ADAMTS19: variants seen among roughly 807,000 people sequenced by gnomAD.
The protein encoded by ADAMTS19 is A disintegrin and metalloproteinase with thrombospondin motifs 19.
In ADAMTS19, 93 loss-of-function variants were observed where a neutral mutation model predicts 153.3. The ratio of observed to expected loss-of-function variants is 0.61; its 90% CI spans 0.51 to 0.72. ADAMTS19 has a LOEUF of 0.72. Among genes scored for constraint, ADAMTS19 ranks in the 30% least tolerant of loss-of-function variants. The pLI is 0.00. For synonymous variants in ADAMTS19, 600 were observed against 556.6 expected (o/e 1.08, Z -1.10); for missense variants, 1,482 against 1,552.1 (o/e 0.95, Z 0.76).
Position 129,635,831 on chromosome 5 carries a change from C to A in ADAMTS19, c.1771-6028C>A, listed in dbSNP as rs1398855816. On this transcript the variant is annotated intron_variant, in intron 10 of 22. Transcript: ENST00000274487. ...TGATGAAATAAACTATACATCATAC[C>A]CCCATGACACAAGTTCAGGTATAAC... Among the ~76,000 whole-genome samples, 2 of 151,994 alleles carry A rather than the reference C, an allele frequency of 1.3e-5. 1 individual carries two copies. Among genetic ancestry groups the A allele is most frequent in the East Asian group, 3.9e-4 (2 of 5,190 alleles).
chr5:129,723,561 T>G (rs1757090344), intron 21 of ADAMTS19, among the ~76,000 whole-genome samples: 1 of 152,216 alleles, frequency 6.6e-6, no homozygotes, highest in African/African-American at 2.4e-5. Flanking sequence ...TTGAGAATTA[T>G]TCTATCATGT....
Position 129,509,195 on chromosome 5 carries a change from T to A in ADAMTS19, c.866T>A (p.Val289Asp). ...YRQKRSMEEK[V>D]TEKSALHSHY... is the part of the protein sequence containing the mutation. ...CAGAAAAGGTCCATGGAGGAAAAGGTCACAGAGAAGTCAGCTCTTCACAGT... is the reference window on the plus strand; with the variant it reads ...CAGAAAAGGTCCATGGAGGAAAAGGACACAGAGAAGTCAGCTCTTCACAGT... The change falls in exon 3 of 23, where the codon GTC becomes GAC. Residue 289 changes from valine (V) to aspartate (D), a missense_variant. Physicochemically the swap from Val to Asp is radical, Grantham distance 152. This residue lies in a region of ADAMTS19 where 866 missense variants were observed against 827.7 expected (regional missense o/e 1.05). Coordinates refer to ENST00000274487, the MANE Select transcript of ADAMTS19 (RefSeq NM_133638.6). 3.1e-6 allele frequency: 5 copies of A among 1,612,230 alleles called. No individual in the cohort carries two copies. Among genetic ancestry groups the A allele is most frequent in the Non-Finnish European group, 4.2e-6 (5 of 1,178,730 alleles).
At chr5:129,584,161 A>G (rs1749669091) in intron 7 of ADAMTS19, among the ~76,000 whole-genome samples, 1 of 152,074 alleles carries the variant, frequency 6.6e-6, no homozygotes, top group African/African-American at 2.4e-5. Flanking sequence ...CCTCTGCTGC[A>G]GGTCTGCTGG....
intron 7 of ADAMTS19, among the ~76,000 whole-genome samples, chr5:129,592,926 CTCA>C (rs1316893191): frequency 2.6e-5 from 4 of 152,096 alleles, no homozygotes; most frequent in African/African-American, 4.8e-5. Flanking sequence ...TAAGTATGCA[CTCA>C]TCGTTTTTGA....
intron 2 of ADAMTS19, among the ~76,000 whole-genome samples, chr5:129,507,208 CCTCA>C (rs1751294058): frequency 6.6e-6 from 1 of 151,946 alleles, no homozygotes; most frequent in African/African-American, 2.4e-5. Context: ...TAATCATCAG[CCTCA>C]CTGTCAATTT....
intron 7 of ADAMTS19, among the ~76,000 whole-genome samples, chr5:129,595,621 T>C (rs1237553430): frequency 6.6e-6 from 1 of 152,076 alleles, no homozygotes; most frequent in Non-Finnish European, 1.5e-5. Context: ...CATTCCATCA[T>C]GTTTAGTAAT....
intron 2 of ADAMTS19, among the ~76,000 whole-genome samples, chr5:129,467,848 A>G (rs1580977825): frequency 6.6e-6 from 1 of 152,354 alleles, no homozygotes; most frequent in Non-Finnish European, 1.5e-5. Flanking sequence ...TCCATCCTAG[A>G]GGTAACCAGG....
intron 20 of ADAMTS19, among the ~76,000 whole-genome samples, chr5:129,702,957 TATATATATATATATACAAATAC>T (rs1190505601): frequency 0.018 from 2,368 of 129,972 alleles, 32 homozygotes; most frequent in East Asian, 0.047. Flanking sequence ...TATATATATA[TATATATATATATATACAAATAC>T]ATATATATAT....
rs114157863 is a variant in ADAMTS19 at position 129,686,438 on chromosome 5, C to T, written c.2818+2165C>T. On this transcript the variant is annotated intron_variant, in intron 18 of 22. Coordinates refer to ENST00000274487, the MANE Select transcript of ADAMTS19 (RefSeq NM_133638.6). ...GGAAAGACTTGTTAGTCTCATGGCA[C>T]TAAAAGGCTAGAAATATAGAGGATG... is the stretch of plus-strand genomic sequence containing the variant. Among the ~76,000 whole-genome samples the T allele has an allele frequency of 3.6e-3, 541 of 151,948 alleles. 5 individuals carry two copies. Among genetic ancestry groups the T allele is most frequent in the Middle Eastern group, 0.01 (3 of 294 alleles).
At position 129,684,878 on chromosome 5, in the gene ADAMTS19, T is replaced by C. The variant is rs555126159; in HGVS notation, c.2818+605T>C. ...GGCGGGCGCCTGTAGTCCCAGCTAG[T>C]CGAGAGGCTGAGGCAGGAGAATGGC... On this transcript the variant is annotated intron_variant, in intron 18 of 22. Transcript: ENST00000274487. Among the ~76,000 whole-genome samples the C allele has an allele frequency of 3.9e-4, 59 of 151,586 alleles. 1 individual carries two copies. Among genetic ancestry groups the C allele is most frequent in the Admixed American group, 1.8e-3 (27 of 15,224 alleles).
At position 129,486,376 on chromosome 5, in the gene ADAMTS19, A is replaced by G. The variant is rs568577870; in HGVS notation, c.748-22701A>G. On this transcript the variant is annotated intron_variant, in intron 2 of 22. Coordinates refer to ENST00000274487, the MANE Select transcript of ADAMTS19 (RefSeq NM_133638.6). ...TCAAGTCCAGCAGTAGATAAAAAGAATAATACATTATGACAAAAAAAGAGT... is the reference window on the plus strand; with the variant it reads ...TCAAGTCCAGCAGTAGATAAAAAGAGTAATACATTATGACAAAAAAAGAGT... 2.4e-4 allele frequency among the ~76,000 whole-genome samples: 36 copies of G among 152,340 alleles called. No individual in the cohort carries two copies. In the East Asian group the frequency reaches 5.2e-3, roughly 22 times the overall value.
intron 14 of ADAMTS19, among the ~76,000 whole-genome samples, chr5:129,655,556 T>C (rs188153111): frequency 9.3e-4 from 142 of 152,358 alleles, no homozygotes; most frequent in African/African-American, 3.3e-3. Context: ...GGTAGACCAT[T>C]GGTCATTGAC....
chr5:129,474,960 G>A (rs1034894319), intron 2 of ADAMTS19, among the ~76,000 whole-genome samples: 3 of 152,050 alleles, frequency 2.0e-5, no homozygotes, highest in African/African-American at 4.8e-5. Context: ...TTAGTTTTAA[G>A]AGTTCTTTAT....
chr5:129,516,540 T>C (rs1420199588), intron 3 of ADAMTS19, among the ~76,000 whole-genome samples: 1 of 151,802 alleles, frequency 6.6e-6, no homozygotes, highest in East Asian at 1.9e-4. Context: ...TGTATATATC[T>C]AGGAATTTGT....
chr5:129,495,275 G>C (rs1023321940), intron 2 of ADAMTS19, among the ~76,000 whole-genome samples: 9 of 151,924 alleles, frequency 5.9e-5, no homozygotes. Flanking sequence ...TTATTTCAAC[G>C]CATTCTTCAT....
At chr5:129,649,646 T>A (rs1753226860) in intron 13 of ADAMTS19, among the ~76,000 whole-genome samples, 2 of 152,006 alleles carry the variant, frequency 1.3e-5, no homozygotes, top group African/African-American at 4.8e-5. Flanking sequence ...CAGACCTTGA[T>A]TGCGGCAGTG....
chr5:129,621,728 A>G (rs993306726), intron 9 of ADAMTS19, among the ~76,000 whole-genome samples: 2 of 152,336 alleles, frequency 1.3e-5, no homozygotes, highest in Non-Finnish European at 2.9e-5. Context: ...TTTAAAATAT[A>G]TTACAGAGTT....
intron 21 of ADAMTS19, among the ~76,000 whole-genome samples, chr5:129,722,562 G>A (rs973659923): frequency 6.6e-6 from 1 of 152,062 alleles, no homozygotes. Flanking sequence ...TCATTCTGAC[G>A]ATAGTTTCTT....
intron 18 of ADAMTS19, among the ~76,000 whole-genome samples, chr5:129,685,221 A>G (rs1175232718): frequency 6.6e-6 from 1 of 152,060 alleles, no homozygotes; most frequent in Non-Finnish European, 1.5e-5. Flanking sequence ...ATTTAAAAAT[A>G]TCCATATATT....
Sources: allele counts gnomAD v4.1 joint callset (sites outside exome capture counted in the v4.1 genomes callset), GRCh38; gene constraint gnomAD v4.1.1; regional missense constraint gnomAD v4.1.1; transcripts MANE v1.5; gene names NCBI Gene and HGNC (gene_info 2026-07-23, HGNC 2026-07-21).